Variants in BAZ1B observed in about 807,000 individuals in gnomAD.
BAZ1B encodes the protein bromodomain adjacent to zinc finger domain 1B, also known as tyrosine-protein kinase BAZ1B.
A neutral mutation model predicts 153.8 loss-of-function variants in BAZ1B; 22 were observed. The observed-to-expected ratio is 0.14, with a 90% CI of 0.10 to 0.20. The LOEUF is 0.20. Ranked by LOEUF, BAZ1B falls within the 10% of genes least tolerant of loss-of-function variation. BAZ1B has a pLI of 1.00. For synonymous variants in BAZ1B, 676 were observed against 633.4 expected (o/e 1.07, Z -1.01); for missense variants, 1,325 against 1,799.3 (o/e 0.74, Z 4.77).
At chr7:73,496,830 C>T (rs1305197128) in intron 4 of BAZ1B, among the ~76,000 whole-genome samples, 4 of 152,018 alleles carry the variant, frequency 2.6e-5, no homozygotes, top group East Asian at 1.9e-4. Flanking sequence ...CTCCTCCTCT[C>T]GCAGTCAAAA....
intron 7 of BAZ1B, among the ~76,000 whole-genome samples, chr7:73,473,986 T>C (rs1164417563): frequency 2.0e-5 from 3 of 151,948 alleles, no homozygotes; most frequent in Admixed American, 1.3e-4. Context: ...AAAAAGAAAA[T>C]GTTGAAAAAG....
rs1554571691 is a variant in BAZ1B, at chr7:73,469,561, C to T, written c.2822G>A (p.Cys941Tyr). 6.2e-7 allele frequency: 1 copy of T among 1,614,066 alleles called. No individual in the cohort carries two copies. The highest frequency in any genetic ancestry group is 8.5e-7 in the Non-Finnish European group (1 of 1,180,032). ...ATCACCAGAGACTGTGTGGTCTTTG[C>T]AGTGATGGTTGAATCGGTAGTCAAT... ...DSIDYRFNHH[C>Y]KDHTVSGDED... The change falls in exon 9 of 20, where the codon TGC becomes TAC. Residue 941 changes from cysteine to tyrosine, a missense_variant. Around this residue, in one of 9 missense-constraint regions of BAZ1B, gnomAD observed 431 missense variants for 563.5 expected, o/e 0.76. Transcript: ENST00000339594.
intron 1 of BAZ1B, among the ~76,000 whole-genome samples, chr7:73,518,808 TCA>T: frequency 6.6e-6 from 1 of 152,314 alleles, no homozygotes; most frequent in East Asian, 1.9e-4. Flanking sequence ...CAATAAATTC[TCA>T]CATAATGATG....
chr7:73,498,768 T>C lies in BAZ1B; in HGVS notation c.370-70A>G, dbSNP rs1299646676. 7.6e-6 allele frequency: 10 copies of C among 1,318,644 alleles called. No individual in the cohort carries two copies. In the East Asian group the frequency reaches 1.4e-4, roughly 19 times the overall value. 81.7% of individuals were successfully genotyped at this position (1,318,644 alleles called of 1,614,324 possible). A position where few individuals can be genotyped will look rare whatever the true frequency, so the allele number is the denominator to read the frequency against. On this transcript the variant is annotated intron_variant, in intron 3 of 19. Coordinates refer to ENST00000339594, the MANE Select transcript of BAZ1B (RefSeq NM_032408.4). ...GAAACCTGAAGATGTTTAGAACATATCATCCAATATACATGCCTCCTCAAC... is the reference window on the plus strand; with the variant it reads ...GAAACCTGAAGATGTTTAGAACATACCATCCAATATACATGCCTCCTCAAC...
intron 2 of BAZ1B, among the ~76,000 whole-genome samples, chr7:73,508,987 T>C (rs1790462752): frequency 7.2e-6 from 1 of 139,808 alleles, no homozygotes; most frequent in Non-Finnish European, 1.5e-5. Context: ...CACTCCAGCC[T>C]GGGCGACAGA....
Position 73,522,020 on chromosome 7 carries a change from C to G in BAZ1B, c.-87G>C, listed in dbSNP as rs1456027892. 2.2e-5 allele frequency: 20 copies of G among 895,466 alleles called. No homozygotes were observed. In the African/African-American group the frequency reaches 3.5e-4, roughly 16 times the overall value. The allele number at this position is 895,466 out of a possible 1,614,324, so 55.5% of individuals were successfully genotyped here. A position where few individuals can be genotyped will look rare whatever the true frequency, so the allele number is the denominator to read the frequency against. ...CCCGCGGCCCGGAGCGAGCGCCAGGCGCCCGGGGGTGGGGTGGGGGAAGGG... is the reference window on the plus strand; with the variant it reads ...CCCGCGGCCCGGAGCGAGCGCCAGGGGCCCGGGGGTGGGGTGGGGGAAGGG... On this transcript the variant is annotated 5_prime_UTR_variant, in exon 1 of 20. Transcript: ENST00000339594.
intron 19 of BAZ1B, 166 bp downstream of exon 19, chr7:73,442,015 G>T (rs1393603888): frequency 2.9e-5 from 17 of 596,312 alleles, no homozygotes; most frequent in Non-Finnish European, 4.7e-5. Context: ...TCTGGACAAA[G>T]ACCACCAACC....
At chr7:73,498,958 G>A (rs1220244923) in intron 3 of BAZ1B, among the ~76,000 whole-genome samples, 1 of 152,112 alleles carries the variant, frequency 6.6e-6, no homozygotes, top group East Asian at 1.9e-4. Flanking sequence ...AGGCCAAAGG[G>A]CAATCACTGT....
chr7:73,461,791 A>C (rs1324486864), intron 12 of BAZ1B, among the ~76,000 whole-genome samples: 1 of 152,220 alleles, frequency 6.6e-6, no homozygotes, highest in African/African-American at 2.4e-5. Context: ...TCACAAAACT[A>C]TAAGAGCACA....
Position 73,475,705 on chromosome 7 carries a change from C to T in BAZ1B, c.2593+1163G>A, listed in dbSNP as rs542582312. On this transcript the variant is annotated intron_variant, in intron 7 of 19. Transcript: ENST00000339594. ...ATCCCAGCACTTTGGGAGACTGAGG[C>T]GGGTGGATCAGGAGTTCGAAACCAG... 6.2e-4 allele frequency among the ~76,000 whole-genome samples: 95 copies of T among 152,046 alleles called. 1 individual carries two copies. The South Asian group carries it at 0.015, about 24-fold the overall frequency.
intron 17 of BAZ1B, 102 bp downstream of exon 17, chr7:73,443,882 G>A (rs1286922084): frequency 2.0e-5 from 31 of 1,558,622 alleles, no homozygotes; most frequent in Non-Finnish European, 2.5e-5. Flanking sequence ...GAAGGAGGAG[G>A]GGGGAGGCTC....
rs1156829240 is a variant in BAZ1B, at chr7:73,497,065, C to CAAAAAAAAAAAAAAAAAAAAAAAAAA, written c.571+1431_571+1432insTTTTTTTTTTTTTTTTTTTTTTTTTT. On this transcript the variant is annotated intron_variant, in intron 4 of 19. Coordinates refer to ENST00000339594, the MANE Select transcript of BAZ1B (RefSeq NM_032408.4). ...ACAACATCGTGAGAACTGACCTCTA[C>CAAAAAAAAAAAAAAAAAAAAAAAAAA]AAAAAAAAAAAAAAAAAACCTACAA... Among the ~76,000 whole-genome samples, 14 of 49,508 alleles carry CAAAAAAAAAAAAAAAAAAAAAAAAAA rather than the reference C, an allele frequency of 2.8e-4. 1 individual carries two copies. The highest frequency in any genetic ancestry group is 1.2e-3 in the African/African-American group (13 of 11,296). The allele number at this position is 49,508 out of a possible 152,430, so 32.5% of individuals were successfully genotyped here.
In BAZ1B at chr7:73,515,712, A is replaced by AT. The variant is rs1318940068; in HGVS notation, c.108-4861dup. Among the ~76,000 whole-genome samples, 22 of 151,130 alleles carry AT rather than the reference A, an allele frequency of 1.5e-4. No homozygotes were observed. The South Asian group carries it at 3.1e-3, about 22-fold the overall frequency. On this transcript the variant is annotated intron_variant, in intron 1 of 19. Coordinates refer to ENST00000339594, the MANE Select transcript of BAZ1B (RefSeq NM_032408.4). ...GCCAGCATGTCCAGCTAATTTTTCT[A>AT]TTTTTTTTGTAGAGACAGGGTTTCA...
chr7:73,459,402 A>AAAC, intron 13 of BAZ1B, 134 bp downstream of exon 13: 6 of 857,606 alleles, frequency 7.0e-6, no homozygotes, highest in South Asian at 1.9e-5. Context: ...AAAAAAAAAA[A>AAAC]ACACACACAC....
chr7:73,444,108 C>T lies in BAZ1B; in HGVS notation c.3866G>A (p.Arg1289Gln), dbSNP rs782060908. ...GLRLRPRKTI[R>Q]GKHSVIPPAA... ...AGGGGGGATGACGCTGTGCTTGCCCCGGATGGTCTTTCGAGGTCTCACTGA... is the reference window on the plus strand; with the variant it reads ...AGGGGGGATGACGCTGTGCTTGCCCTGGATGGTCTTTCGAGGTCTCACTGA... The change falls in exon 17 of 20, where the codon CGG becomes CAG. Residue 1289 changes from arginine to glutamine, a missense_variant. Arg to Gln is a conservative substitution (Grantham distance 43). Around this residue, in one of 9 missense-constraint regions of BAZ1B, gnomAD observed 271 missense variants for 337.2 expected, o/e 0.80. Coordinates refer to ENST00000339594, the MANE Select transcript of BAZ1B (RefSeq NM_032408.4). 44 of 1,605,016 alleles carry T rather than the reference C, an allele frequency of 2.7e-5. No individual in the cohort carries two copies. The highest frequency in any genetic ancestry group is 3.2e-5 in the Non-Finnish European group (38 of 1,176,646).
rs781879610 is a variant in BAZ1B at position 73,492,949 on chromosome 7, A to G, written c.572-28T>C. ...AGTCAAATCATAGAAAATTAGTGAA[A>G]AACGTAATTATTTTAATCCTTTTCA... On this transcript the variant is annotated intron_variant, in intron 4 of 19. Coordinates refer to ENST00000339594, the MANE Select transcript of BAZ1B (RefSeq NM_032408.4). 32 of 1,569,800 alleles carry G rather than the reference A, an allele frequency of 2.0e-5. No individual in the cohort carries two copies. The Admixed American group carries it at 4.4e-4, about 21-fold the overall frequency.
chr7:73,508,598 G>A (rs1370209619), intron 2 of BAZ1B, 127 bp from the exon 3 acceptor site: 48 of 1,127,590 alleles, frequency 4.3e-5, no homozygotes, highest in Admixed American at 1.3e-4. Flanking sequence ...CTGTCACCAA[G>A]GCTGGAGTGC....
chr7:73,504,520 G>A (rs1336019412), intron 3 of BAZ1B, among the ~76,000 whole-genome samples: 2 of 151,994 alleles, frequency 1.3e-5, no homozygotes, highest in Non-Finnish European at 2.9e-5. Flanking sequence ...AAAAATTAGC[G>A]AGGCATGGTG....
rs528053294 is a variant in BAZ1B at position 73,450,244 on chromosome 7, T to C, written c.3581-555A>G. ...GGGTTCCCTTAAACCATGTGGTTTC[T>C]TACATTTGAAAAAGTGTTGTGCTGA... On this transcript the variant is annotated intron_variant, in intron 14 of 19. Coordinates refer to ENST00000339594, the MANE Select transcript of BAZ1B (RefSeq NM_032408.4). This position sits in a 1 kb window ranked among gnomAD's most constrained non-coding sequence, Gnocchi z 4.1. Among the ~76,000 whole-genome samples, 6 of 152,312 alleles carry C rather than the reference T, an allele frequency of 3.9e-5. No individual in the cohort carries two copies. Among genetic ancestry groups the C allele is most frequent in the African/African-American group, 1.2e-4 (5 of 41,574 alleles).
Sources: allele counts gnomAD v4.1 joint callset (sites outside exome capture counted in the v4.1 genomes callset), GRCh38; gene constraint gnomAD v4.1.1; regional missense constraint gnomAD v4.1.1; non-coding constraint Gnocchi (gnomAD v3.1); transcripts MANE v1.5; gene names NCBI Gene and HGNC (gene_info 2026-07-23, HGNC 2026-07-21).